The following MAST4 variants were observed in gnomAD, a reference collection of about 807,000 sequenced individuals.
MAST4 encodes the protein microtubule associated serine/threonine kinase family member 4.
Under a neutral mutation model 162.7 loss-of-function variants are expected in MAST4, and 89 were observed. The ratio of observed to expected loss-of-function variants is 0.55; its 90% CI spans 0.46 to 0.65. MAST4 has a LOEUF of 0.65. MAST4 is among the 30% of genes least tolerant of loss of function. The pLI, the probability that MAST4 is intolerant of heterozygous loss-of-function variation, is 0.00. For synonymous variants in MAST4, 1,479 were observed against 1,361.1 expected (o/e 1.09, Z -1.91); for missense variants, 3,153 against 3,374.0 (o/e 0.93, Z 1.62).
chr5:66,995,797 G>A (rs144704497), intron 4 of MAST4, among the ~76,000 whole-genome samples: 7 of 151,838 alleles, frequency 4.6e-5, no homozygotes, highest in African/African-American at 1.7e-4. Context: ...GATCACATGA[G>A]CCCTGGAGTT....
chr5:67,037,550 G>A (rs1756176010), intron 4 of MAST4, among the ~76,000 whole-genome samples: 1 of 152,090 alleles, frequency 6.6e-6, no homozygotes, highest in Non-Finnish European at 1.5e-5. Flanking sequence ...TTCTATTCCT[G>A]GATCTTATCA....
At chr5:66,720,874 C>A (rs1014873975) in intron 1 of MAST4, among the ~76,000 whole-genome samples, 1 of 152,062 alleles carries the variant, frequency 6.6e-6, no homozygotes, top group African/African-American at 2.4e-5. Flanking sequence ...TGCTTTTAGC[C>A]GATGACCTTG....
At chr5:66,944,419 T>C (rs938745757) in intron 4 of MAST4, among the ~76,000 whole-genome samples, 5 of 152,170 alleles carry the variant, frequency 3.3e-5, no homozygotes, top group Non-Finnish European at 5.9e-5. Flanking sequence ...AAATTGGTAG[T>C]AACTTGGCTT....
intron 18 of MAST4, 129 bp from the exon 19 acceptor site, chr5:67,136,434 C>A: frequency 1.6e-6 from 1 of 621,742 alleles, no homozygotes; most frequent in South Asian, 1.9e-5. Flanking sequence ...AAGGCAGACT[C>A]TGATTTAGTA....
Position 66,676,207 on chromosome 5 carries a change from T to C in MAST4, c.363+79189T>C, listed in dbSNP as rs553009985. On this transcript the variant is annotated intron_variant, in intron 1 of 28. Transcript: ENST00000403625. Reference sequence around the variant, plus strand: ...TTAGCTATCTACAAATACAGGCAAGTGTCTGGAAGGAAGCACAGGTGGTGT... The same window carrying C: ...TTAGCTATCTACAAATACAGGCAAGCGTCTGGAAGGAAGCACAGGTGGTGT... Among the ~76,000 whole-genome samples, 5 of 152,226 alleles carry C rather than the reference T, an allele frequency of 3.3e-5. No individual in the cohort carries two copies. In the East Asian group the frequency reaches 9.6e-4, roughly 29 times the overall value.
chr5:66,992,979 G>T (rs1257182139), intron 4 of MAST4, among the ~76,000 whole-genome samples: 2 of 152,026 alleles, frequency 1.3e-5, no homozygotes, highest in Non-Finnish European at 2.9e-5. Context: ...CTTGGAAAAA[G>T]GTCACCCTGC....
chr5:66,655,167 A>C (rs1462009394), intron 1 of MAST4, among the ~76,000 whole-genome samples: 1 of 152,208 alleles, frequency 6.6e-6, no homozygotes, highest in African/African-American at 2.4e-5. Flanking sequence ...TGGGAGTCTT[A>C]GAACTTTGGT....
rs148611197 is a variant in MAST4 at position 67,090,959 on chromosome 5, C to T, written c.833+728C>T. 2.0e-4 allele frequency among the ~76,000 whole-genome samples: 30 copies of T among 152,050 alleles called. No homozygotes were observed. In the East Asian group the frequency reaches 5.8e-3, roughly 30 times the overall value. ...CACATGCATAGCTTGTCCTCCTCTG[C>T]CCAGGAAAAACACCGAGAAAACAAA... On this transcript the variant is annotated intron_variant, in intron 6 of 28. Transcript: ENST00000403625.
intron 3 of MAST4, among the ~76,000 whole-genome samples, chr5:66,895,113 C>T (rs1407708729): frequency 6.6e-6 from 1 of 152,150 alleles, no homozygotes; most frequent in Non-Finnish European, 1.5e-5. Context: ...TTTCTGACGT[C>T]GTCTGCCCAA....
chr5:66,827,769 G>T (rs1434519386), intron 3 of MAST4, among the ~76,000 whole-genome samples: 1 of 152,186 alleles, frequency 6.6e-6, no homozygotes, highest in Non-Finnish European at 1.5e-5. Context: ...CTTAGACAAA[G>T]TACAGTTGGT....
intron 1 of MAST4, among the ~76,000 whole-genome samples, chr5:66,644,042 G>A (rs1311825180): frequency 2.3e-5 from 2 of 85,960 alleles, no homozygotes; most frequent in African/African-American, 8.9e-5. Flanking sequence ...TCATCTGTAA[G>A]CTTTAAAAAA....
chr5:66,931,848 T>C (rs1261372859), intron 4 of MAST4, among the ~76,000 whole-genome samples: 1 of 152,168 alleles, frequency 6.6e-6, no homozygotes, highest in East Asian at 1.9e-4. Flanking sequence ...AGAATAATAC[T>C]GACACCTGGT....
At chr5:66,787,080 T>G (rs1340960962) in intron 2 of MAST4, among the ~76,000 whole-genome samples, 1 of 152,218 alleles carries the variant, frequency 6.6e-6, no homozygotes, top group East Asian at 1.9e-4. Flanking sequence ...TTGCATTTTC[T>G]TCTTGTGAAT....
chr5:66,940,553 A>G (rs1036763687), intron 4 of MAST4, among the ~76,000 whole-genome samples: 2 of 152,150 alleles, frequency 1.3e-5, no homozygotes, highest in African/African-American at 2.4e-5. Context: ...TTTCTCATCC[A>G]TAAGAAGCAA....
chr5:66,870,826 A>C (rs768201794), intron 3 of MAST4: 4 of 471,494 alleles, frequency 8.5e-6, no homozygotes, highest in South Asian at 6.2e-5. Flanking sequence ...ACATCGCCAG[A>C]GACTAGTGGA....
chr5:66,660,653 G>A (rs542899013), intron 1 of MAST4, among the ~76,000 whole-genome samples: 1 of 152,274 alleles, frequency 6.6e-6, no homozygotes, highest in South Asian at 2.1e-4. Flanking sequence ...CCACAGTCTA[G>A]GAAACATTGT....
intron 1 of MAST4, among the ~76,000 whole-genome samples, chr5:66,669,712 T>C (rs1027420299): frequency 1.3e-5 from 2 of 152,096 alleles, no homozygotes; most frequent in African/African-American, 2.4e-5. Context: ...AGGAAACTGT[T>C]GAGGGCCTGG....
chr5:67,120,872 A>G (rs1767493891), intron 13 of MAST4, 145 bp from the exon 14 acceptor site: 2 of 595,616 alleles, frequency 3.4e-6, no homozygotes, highest in Non-Finnish European at 5.9e-6. Context: ...TGGCTCTGTA[A>G]AGCTATCCCT....
At chr5:66,988,279 T>C (rs1749727026) in intron 4 of MAST4, among the ~76,000 whole-genome samples, 1 of 152,134 alleles carries the variant, frequency 6.6e-6, no homozygotes, top group Non-Finnish European at 1.5e-5. Flanking sequence ...TCTTCCTCTT[T>C]TAGAGAAAAA....
Sources: gnomAD v4.1 joint callset for allele counts (sites outside exome capture counted in the v4.1 genomes callset) on GRCh38, gnomAD v4.1.1 for gene constraint, MANE v1.5 for transcripts, NCBI Gene and HGNC (gene_info 2026-07-23, HGNC 2026-07-21) for gene names.